The following ADGRG1 variants were observed in gnomAD, a reference collection of about 807,000 sequenced individuals.
ADGRG1 encodes adhesion G protein-coupled receptor G1.
ADGRG1 carries 53 observed loss-of-function variants against 73.5 expected under a neutral mutation model. The ratio of observed to expected loss-of-function variants is 0.72; its 90% confidence interval spans 0.58 to 0.91. The LOEUF (loss-of-function observed/expected upper bound fraction) is 0.91, where lower values mean the gene tolerates loss of function less well. Among genes scored for constraint, ADGRG1 ranks in the 40% least tolerant of loss-of-function variants. The pLI is 0.00. For missense variants in ADGRG1, 795 were observed against 871.8 expected (o/e 0.91, Z 1.11); for synonymous variants, 394 against 374.4 (o/e 1.05, Z -0.60).
chr16:57,655,009 T>C, intron 5 of ADGRG1: 1 of 975,072 alleles, frequency 1.0e-6, no homozygotes, highest in Non-Finnish European at 1.2e-6. Flanking sequence ...CGTGAGCCAC[T>C]GCACCCAGCC....
rs558177588 is a variant in ADGRG1 at position 57,664,539 on chromosome 16, C to G, written c.*957C>G. ...CATGCCAGTCCCGTCTGGTTTCCAT[C>G]CCACCACTCCAAGGACTGAGACTGA... is the stretch of plus-strand genomic sequence containing the variant. On this transcript the variant is annotated 3_prime_UTR_variant, in exon 14 of 14. Coordinates refer to ENST00000562631, the MANE Select transcript of ADGRG1 (RefSeq NM_201525.4). 1 of 152,550 alleles carries G rather than the reference C, an allele frequency of 6.6e-6. No homozygotes were observed. The highest frequency in any genetic ancestry group is 1.9e-4 in the East Asian group (1 of 5,196). 9.4% of individuals were successfully genotyped at this position (152,550 alleles called of 1,614,324 possible).
upstream of ADGRG1, chr16:57,628,300 G>A: frequency 1.6e-6 from 1 of 611,484 alleles, no homozygotes; most frequent in Non-Finnish European, 2.0e-6. Flanking sequence ...CGGCCTCTCT[G>A]TGGGAACTTT....
chr16:57,645,351 C>A, intron 1 of ADGRG1: 1 of 983,488 alleles, frequency 1.0e-6, no homozygotes, highest in Non-Finnish European at 1.2e-6. Flanking sequence ...TCGTTCCTCC[C>A]TCCTTGGCTC....
Position 57,653,881 on chromosome 16 carries a change from G to A in ADGRG1, c.621-105G>A. The A allele has an allele frequency of 2.5e-6, 4 of 1,596,286 alleles. No individual in the cohort carries two copies. In the South Asian group the frequency reaches 3.3e-5, roughly 13 times the overall value. On this transcript the variant is annotated intron_variant, in intron 4 of 13. Coordinates refer to ENST00000562631, the MANE Select transcript of ADGRG1 (RefSeq NM_201525.4). ...TCTCTCTGCCTCTGCCTCTGCCTCT[G>A]CCTCTTCCCTGTGTCTCTGTCTGAG...
Position 57,656,245 on chromosome 16 carries a change from G to A in ADGRG1, c.1037G>A (p.Cys346Tyr). The stretch of plus-strand genomic sequence containing the variant: ...CTACAGAAGAATGTGACTCTGCAAT[G>A]TGTGTTCTGGGTTGAAGACCCCACA... Reference protein sequence around the residue: ...QLQPKNVTLQCVFWVEDPTLS... With the variant: ...QLQPKNVTLQYVFWVEDPTLS... Residue 346 changes from cysteine (C) to tyrosine (Y), a missense_variant, in exon 8 of 14, where the codon TGT (cysteine) becomes TAT (tyrosine). Coordinates refer to ENST00000562631, the MANE Select transcript of ADGRG1 (RefSeq NM_201525.4). 1.9e-6 allele frequency: 3 copies of A among 1,613,690 alleles called. No individual in the cohort carries two copies. The highest frequency in any genetic ancestry group is 1.7e-6 in the Non-Finnish European group (2 of 1,179,930).
chr16:57,651,448 T>A lies in ADGRG1; in HGVS notation c.313T>A (p.Tyr105Asn). The change falls in exon 3 of 14, where the codon TAT becomes AAT. Residue 105 changes from tyrosine (Y) to asparagine (N), a missense_variant. By Grantham distance (143) the Tyr-to-Asn change is moderately radical (BLOSUM62 -2). Transcript: ENST00000562631. ...NRHAGRLHLL[Y>N]GKRDFLLSDK... ...ACATGCTGGGAGATTACATCTTCTC[T>A]ATGGCAAGCGTGACTTCTTGCTGAG... The A allele has an allele frequency of 6.2e-7, 1 of 1,614,240 alleles. No individual in the cohort carries two copies.
At chr16:57,645,160 C>T in intron 1 of ADGRG1, 1 of 985,488 alleles carries the variant, frequency 1.0e-6, no homozygotes, top group Non-Finnish European at 1.2e-6. Context: ...GGCTCAGCAG[C>T]TCAGTGTCGT....
intron 5 of ADGRG1, 98 bp downstream of exon 5, chr16:57,654,231 G>T (rs2044892856): frequency 1.6e-6 from 2 of 1,247,244 alleles, no homozygotes; most frequent in Non-Finnish European, 1.1e-6. Flanking sequence ...TGCCGTCGCA[G>T]CCTCTCCCTG....
intron 9 of ADGRG1, among the ~76,000 whole-genome samples, chr16:57,656,851 C>A (rs888640467): frequency 6.6e-6 from 1 of 152,198 alleles, no homozygotes; most frequent in Non-Finnish European, 1.5e-5. Flanking sequence ...GCTCTTTATT[C>A]CCAAATTTTG....
At chr16:57,647,218 C>T in intron 1 of ADGRG1, 2 of 985,396 alleles carry the variant, frequency 2.0e-6, no homozygotes, top group Non-Finnish European at 2.4e-6. Flanking sequence ...GCCCAGCTCT[C>T]CTGTCCCAAC....
upstream of ADGRG1, chr16:57,622,850 G>C: frequency 1.0e-6 from 1 of 985,366 alleles, no homozygotes; most frequent in Non-Finnish European, 1.2e-6. Context: ...GTCAGCAGGC[G>C]GGGGTGGACC....
chr16:57,663,273 G>T (rs1438871363), intron 13 of ADGRG1, 179 bp from the exon 14 acceptor site: 6 of 959,892 alleles, frequency 6.3e-6, no homozygotes, highest in Non-Finnish European at 7.4e-6. Flanking sequence ...ACACGGGGAC[G>T]CAGCACAGTG....
At chr16:57,630,034 C>A in intron 1 of ADGRG1, 5 of 983,162 alleles carry the variant, frequency 5.1e-6, no homozygotes, top group Non-Finnish European at 6.0e-6. Context: ...GTTGCTCCTT[C>A]AGTGGACCAA....
chr16:57,658,032 G>C (rs567929553), intron 10 of ADGRG1, among the ~76,000 whole-genome samples: 23 of 152,174 alleles, frequency 1.5e-4, no homozygotes, highest in Non-Finnish European at 3.1e-4. Flanking sequence ...ATGAGTCACT[G>C]TGCCAGGCTA....
intron 1 of ADGRG1, among the ~76,000 whole-genome samples, chr16:57,644,564 CTT>C (rs1303928767): frequency 7.0e-5 from 10 of 142,222 alleles, no homozygotes; most frequent in Admixed American, 1.4e-4. Context: ...CACACGGACA[CTT>C]ATGCACAAGC....
intron 13 of ADGRG1, chr16:57,662,939 G>A: frequency 1.0e-6 from 1 of 985,290 alleles, no homozygotes; most frequent in Non-Finnish European, 1.2e-6. Context: ...AGTTGGTGGT[G>A]GGGAGATGTT....
chr16:57,626,494 C>G, upstream of ADGRG1: 1 of 659,798 alleles, frequency 1.5e-6, no homozygotes. Context: ...CCTGCTTCCT[C>G]ACCTGCCTGC....
intron 1 of ADGRG1, chr16:57,636,516 C>G (rs1315687580): frequency 1.0e-6 from 1 of 985,214 alleles, no homozygotes; most frequent in African/African-American, 1.7e-5. Flanking sequence ...CTGTTAGATG[C>G]TGGAGAGTGG....
At chr16:57,627,641 T>A (rs1343394912), upstream of ADGRG1, 1 of 269,306 alleles carries the variant, frequency 3.7e-6, no homozygotes, top group Non-Finnish European at 5.7e-6. Context: ...GGTCAGCGAG[T>A]GTAATTACTG....
Sources: gnomAD v4.1 joint callset for allele counts (sites outside exome capture counted in the v4.1 genomes callset) on GRCh38, gnomAD v4.1.1 for gene constraint, MANE v1.5 for transcripts, NCBI Gene and HGNC (gene_info 2026-07-23, HGNC 2026-07-21) for gene names.